PIK3R6: variants seen among roughly 807,000 people sequenced by gnomAD.
PIK3R6 encodes phosphoinositide 3-kinase regulatory subunit 6.
In PIK3R6, 91 loss-of-function variants were observed where a neutral mutation model predicts 84.9. The observed-to-expected ratio is 1.07, with a 90% confidence interval of 0.90 to 1.28. The LOEUF (loss-of-function observed/expected upper bound fraction) is 1.28. PIK3R6 is among the 50% of genes most tolerant of loss of function. The probability of loss-of-function intolerance (pLI) is 0.00; values close to 1 mark genes in which losing one functional copy is unlikely to be tolerated. For missense variants in PIK3R6, 996 were observed against 985.1 expected (o/e 1.01, Z -0.15); for synonymous variants, 416 against 411.4 (o/e 1.01, Z -0.13).
intron 18 of PIK3R6, among the ~76,000 whole-genome samples, chr17:8,815,430 T>A (rs1181540057): frequency 6.6e-6 from 1 of 150,688 alleles, no homozygotes; most frequent in Non-Finnish European, 1.5e-5. Flanking sequence ...CGCTTGAACC[T>A]GAGAGGCAGA....
chr17:8,824,987 GCA>G (rs1392754016), intron 13 of PIK3R6, among the ~76,000 whole-genome samples: 1 of 152,118 alleles, frequency 6.6e-6, no homozygotes, highest in Non-Finnish European at 1.5e-5. Context: ...ATTTTTTACC[GCA>G]GTTTTTAAAA....
chr17:8,864,913 T>A (rs2089372010), intron 1 of PIK3R6, among the ~76,000 whole-genome samples: 1 of 152,142 alleles, frequency 6.6e-6, no homozygotes, highest in Non-Finnish European at 1.5e-5. Context: ...TCAGAGAGCA[T>A]TCTTCCTTAA....
At position 8,849,101 on chromosome 17, in the gene PIK3R6, G is replaced by A. The variant is rs536236504; in HGVS notation, c.13+681C>T. Among the ~76,000 whole-genome samples the A allele has an allele frequency of 2.0e-3, 47 of 23,682 alleles. No individual in the cohort carries two copies. In the South Asian group the frequency reaches 0.057, roughly 29 times the overall value. 15.5% of individuals were successfully genotyped at this position (23,682 alleles called of 152,430 possible). On this transcript the variant is annotated intron_variant, in intron 2 of 19. Coordinates refer to ENST00000619866, the MANE Select transcript of PIK3R6 (RefSeq NM_001010855.4). Reference sequence around the variant, plus strand: ...AGAGTCCAGGCTTTGAAAATCAGCCGGACTAGGCCCCACTTTCTGGCTTTG... The same window carrying A: ...AGAGTCCAGGCTTTGAAAATCAGCCAGACTAGGCCCCACTTTCTGGCTTTG...
chr17:8,816,154 C>T (rs1039778532), intron 18 of PIK3R6, among the ~76,000 whole-genome samples: 6 of 152,182 alleles, frequency 3.9e-5, no homozygotes, highest in Non-Finnish European at 7.3e-5. Flanking sequence ...CCAGTAATTA[C>T]AGATAATGTA....
chr17:8,835,302 G>C lies in PIK3R6; in HGVS notation c.616C>G (p.His206Asp). Residue 206 changes from histidine (H) to aspartate (D), a missense_variant, in exon 8 of 20, where the codon CAC (histidine) becomes GAC (aspartate). Transcript: ENST00000619866. The stretch of plus-strand genomic sequence containing the variant: ...AGCTTCCTGTGCAGAGCGCCTGCGT[G>C]ACAGGCCTCCCCCAGAGCCGCCTGC... ...ALQAALGEAC[H>D]AGALHRKLQA... 1.3e-6 allele frequency: 2 copies of C among 1,588,060 alleles called. No homozygotes were observed. Among genetic ancestry groups the C allele is most frequent in the African/African-American group, 2.7e-5 (2 of 74,520 alleles).
At chr17:8,812,763 G>A (rs2087395510) in intron 18 of PIK3R6, among the ~76,000 whole-genome samples, 1 of 152,158 alleles carries the variant, frequency 6.6e-6, no homozygotes, top group African/African-American at 2.4e-5. Flanking sequence ...GCAGTGCTAA[G>A]AGGGAAGTTT....
chr17:8,845,023 A>G (rs2088783457), intron 2 of PIK3R6, among the ~76,000 whole-genome samples: 1 of 152,232 alleles, frequency 6.6e-6, no homozygotes, highest in Non-Finnish European at 1.5e-5. Flanking sequence ...TTATGGCTGC[A>G]TAGTATTCCA....
At chr17:8,864,971 C>G (rs944904535) in intron 1 of PIK3R6, among the ~76,000 whole-genome samples, 3 of 152,154 alleles carry the variant, frequency 2.0e-5, no homozygotes, top group African/African-American at 7.2e-5. Flanking sequence ...TGCACACACA[C>G]AGCTCATCAC....
chr17:8,819,083 A>T lies in PIK3R6; in HGVS notation c.1995T>A (p.Ser665=), dbSNP rs371903353. Residue 665 remains serine, a splice_region_variant and synonymous_variant, in exon 18 of 20, where the codon TCT becomes TCA. Coordinates refer to ENST00000619866, the MANE Select transcript of PIK3R6 (RefSeq NM_001010855.4). ...CTTTCCCAGTCTACTCAGTACTTAC[A>T]GAGAAGGACTTTCCCGCCAAGTTGG... ...KSSNLAGKSF[S]TVTNTFRTNN... 3.1e-6 allele frequency: 5 copies of T among 1,592,148 alleles called. No individual in the cohort carries two copies. The African/African-American group carries it at 6.7e-5, about 21-fold the overall frequency.
intron 7 of PIK3R6, 125 bp downstream of exon 7, chr17:8,836,422 C>T (rs2151267885): frequency 1.0e-6 from 1 of 987,550 alleles, no homozygotes. Flanking sequence ...AATATCATGG[C>T]TGGGGAGGTC....
chr17:8,812,012 T>A (rs972884118), intron 18 of PIK3R6, among the ~76,000 whole-genome samples: 1 of 152,102 alleles, frequency 6.6e-6, no homozygotes, highest in Non-Finnish European at 1.5e-5. Flanking sequence ...TTAATGGACT[T>A]ACAGTTCCAC....
At chr17:8,851,683 C>T (rs554595043) in intron 1 of PIK3R6, among the ~76,000 whole-genome samples, 9 of 152,254 alleles carry the variant, frequency 5.9e-5, no homozygotes, top group Non-Finnish European at 1.2e-4. Context: ...ATGGCATCGC[C>T]GCTGTGGAAA....
Position 8,823,458 on chromosome 17 carries a change from T to C in PIK3R6, c.1555A>G (p.Ile519Val), listed in dbSNP as rs751480490. 3 of 1,612,798 alleles carry C rather than the reference T, an allele frequency of 1.9e-6. No individual in the cohort carries two copies. The East Asian group carries it at 6.7e-5, about 36-fold the overall frequency. Residue 519 changes from isoleucine (I) to valine (V), a missense_variant, in exon 14 of 20, where the codon ATC becomes GTC. Coordinates refer to ENST00000619866, the MANE Select transcript of PIK3R6 (RefSeq NM_001010855.4). ...LDTSRTVDPFILDVITYYIRM... is the reference protein window; with the variant it reads ...LDTSRTVDPFVLDVITYYIRM... Reference sequence around the variant, plus strand: ...ATGTAGTAGGTGATGACGTCTAGGATGAAGGGGTCCACAGTCCGGGATGTG... The same window carrying C: ...ATGTAGTAGGTGATGACGTCTAGGACGAAGGGGTCCACAGTCCGGGATGTG...
At position 8,828,835 on chromosome 17, in the gene PIK3R6, C is replaced by T; in HGVS notation, c.1045G>A (p.Gly349Arg). Residue 349 changes from glycine (G) to arginine (R), a missense_variant, in exon 11 of 20, where the codon GGG becomes AGG. Gly to Arg is a moderately radical substitution (Grantham distance 125, BLOSUM62 -2). Coordinates refer to ENST00000619866, the MANE Select transcript of PIK3R6 (RefSeq NM_001010855.4). ...DSGIERDLPT[G>R]ADELPAPGSP... ...CCGGGTGCAGGCAGCTCATCAGCCC[C>T]CGTGGGAAGGTCCCGCTCAATGCCG... 6.3e-7 allele frequency: 1 copy of T among 1,596,126 alleles called. No homozygotes were observed. The highest frequency in any genetic ancestry group is 8.5e-7 in the Non-Finnish European group (1 of 1,170,516).
chr17:8,819,757 C>T (rs866392336), intron 17 of PIK3R6, among the ~76,000 whole-genome samples: 2 of 145,128 alleles, frequency 1.4e-5, no homozygotes, highest in African/African-American at 5.1e-5. Flanking sequence ...TACATACACA[C>T]GTATATATGT....
intron 4 of PIK3R6, among the ~76,000 whole-genome samples, chr17:8,838,077 G>C (rs1050994044): frequency 6.7e-6 from 1 of 149,906 alleles, no homozygotes; most frequent in South Asian, 2.1e-4. Flanking sequence ...GTGGGAGCGT[G>C]GGGGGGCCTC....
intron 1 of PIK3R6, among the ~76,000 whole-genome samples, chr17:8,854,949 T>C (rs554441671): frequency 1.3e-5 from 2 of 152,286 alleles, no homozygotes; most frequent in African/African-American, 4.8e-5. Flanking sequence ...ATCCCAACAT[T>C]TGGGAGGCCA....
In PIK3R6 at chr17:8,828,833, C is replaced by A; in HGVS notation, c.1047G>T (p.Gly349=). 1 of 1,595,154 alleles carries A rather than the reference C, an allele frequency of 6.3e-7. No individual in the cohort carries two copies. Among genetic ancestry groups the A allele is most frequent in the Non-Finnish European group, 8.5e-7 (1 of 1,169,932 alleles). ...TGCCGGGTGCAGGCAGCTCATCAGC[C>A]CCCGTGGGAAGGTCCCGCTCAATGC... is the stretch of plus-strand genomic sequence containing the variant. ...DSGIERDLPT[G]ADELPAPGSP... is the part of the protein sequence containing the mutation. The change falls in exon 11 of 20, where the codon GGG becomes GGT. Residue 349 remains glycine (G), a synonymous_variant. Coordinates refer to ENST00000619866, the MANE Select transcript of PIK3R6 (RefSeq NM_001010855.4).
chr17:8,851,417 AC>A (rs34363073), intron 1 of PIK3R6, among the ~76,000 whole-genome samples: 39,821 of 151,806 alleles, frequency 0.26, 5,554 homozygotes, highest in African/African-American at 0.35. Flanking sequence ...AATGGCGTGA[AC>A]CCCGGGAGGC....
Sources: gnomAD v4.1 joint callset for allele counts (sites outside exome capture counted in the v4.1 genomes callset) on GRCh38, gnomAD v4.1.1 for gene constraint, MANE v1.5 for transcripts, NCBI Gene and HGNC (gene_info 2026-07-23, HGNC 2026-07-21) for gene names.